Variants in ZNF100 observed in about 807,000 individuals in gnomAD.
The protein encoded by ZNF100 is zinc finger protein 100 (Y1).
Under a neutral mutation model 15.8 loss-of-function variants are expected in ZNF100, and 12 were observed. The observed-to-expected ratio is 0.76, with a 90% CI of 0.49 to 1.23. The LOEUF (loss-of-function observed/expected upper bound fraction) is 1.23, where lower values mean the gene tolerates loss of function less well. Ranked by LOEUF, ZNF100 falls within the 50% of genes most tolerant of loss-of-function variation. The pLI is 0.00. For missense variants in ZNF100, 670 were observed against 635.6 expected, an observed-to-expected ratio of 1.05 and a Z score of -0.58; for synonymous variants, 226 against 214.8, an observed-to-expected ratio of 1.05 and a Z score of -0.45.
chr19:21,767,569 G>C lies in ZNF100; in HGVS notation c.-140C>G, dbSNP rs954796741. ...AAACCTGGAGCTCCGGCTACAGCGA[G>C]AGACAAAGACCCCGCCAAACCCGGA... On this transcript the variant is annotated 5_prime_UTR_variant, in exon 1 of 5. Coordinates refer to ENST00000358296, the MANE Select transcript of ZNF100 (RefSeq NM_173531.4). 4 of 1,368,720 alleles carry C rather than the reference G, an allele frequency of 2.9e-6. No individual in the cohort carries two copies. The highest frequency in any genetic ancestry group is 1.5e-5 in the African/African-American group (1 of 68,588). 84.8% of individuals were successfully genotyped at this position (1,368,720 alleles called of 1,614,324 possible).
rs1471621094 is a variant in ZNF100 at position 21,727,630 on chromosome 19, T to C, written c.682A>G (p.Ile228Val). The C allele has an allele frequency of 5.6e-6, 9 of 1,611,880 alleles. No homozygotes were observed. The highest frequency in any genetic ancestry group is 4.0e-5 in the African/African-American group (3 of 74,862). ...TTACATTGGTAGGAATTCTCTGTAA[T>C]ATGAAATCTTTTATGTTGAGTTAGG... Reference protein sequence around the residue: ...LHLTQHKRFHITENSYQCKDC... With the variant: ...LHLTQHKRFHVTENSYQCKDC... Residue 228 changes from isoleucine to valine, a missense_variant, in exon 5 of 5, where the codon ATT becomes GTT. Ile to Val is a conservative substitution (Grantham distance 29, BLOSUM62 3). Coordinates refer to ENST00000358296, the MANE Select transcript of ZNF100 (RefSeq NM_173531.4).
In ZNF100 at chr19:21,726,942, T is replaced by C. The variant is rs754628199; in HGVS notation, c.1370A>G (p.Tyr457Cys). Residue 457 changes from tyrosine to cysteine, a missense_variant, in exon 5 of 5, where the codon TAC becomes TGC. Physicochemically the swap from Tyr to Cys is radical, Grantham distance 194. Coordinates refer to ENST00000358296, the MANE Select transcript of ZNF100 (RefSeq NM_173531.4). ...HKMIHTGEKP[Y>C]KCDECGKAFN... ...GGCTTTGCCACATTCGTCACATTTG[T>C]AGGGTTTCTCTCCAGTATGAATCAT... 9 of 1,611,266 alleles carry C rather than the reference T, an allele frequency of 5.6e-6. No homozygotes were observed. Among genetic ancestry groups the C allele is most frequent in the Non-Finnish European group, 7.6e-6 (9 of 1,179,026 alleles).
At chr19:21,738,687 A>C (rs1171514607) in intron 4 of ZNF100, among the ~76,000 whole-genome samples, 3 of 152,242 alleles carry the variant, frequency 2.0e-5, no homozygotes, top group Middle Eastern at 3.4e-3. Flanking sequence ...GGCCAGGCGC[A>C]GAGACTCACG....
At chr19:21,742,282 GCAAGACTC>G (rs1202991622) in intron 4 of ZNF100, among the ~76,000 whole-genome samples, 1 of 134,938 alleles carries the variant, frequency 7.4e-6, no homozygotes, top group Non-Finnish European at 1.5e-5. Flanking sequence ...CGGCGACAGA[GCAAGACTC>G]TGTCCCCCAC....
intron 2 of ZNF100, among the ~76,000 whole-genome samples, chr19:21,746,016 T>G (rs569410982): frequency 6.6e-6 from 1 of 152,212 alleles, no homozygotes; most frequent in African/African-American, 2.4e-5. Context: ...GCTGCCAGAT[T>G]AAATGTGATG....
intron 2 of ZNF100, among the ~76,000 whole-genome samples, chr19:21,761,467 G>T (rs1483871971): frequency 6.6e-6 from 1 of 152,106 alleles, no homozygotes; most frequent in East Asian, 1.9e-4. Flanking sequence ...AACCAATAAA[G>T]CTCCATGGGA....
At chr19:21,765,301 A>G (rs2036540748) in intron 2 of ZNF100, among the ~76,000 whole-genome samples, 1 of 152,158 alleles carries the variant, frequency 6.6e-6, no homozygotes, top group Non-Finnish European at 1.5e-5. Flanking sequence ...TCATGTTTCA[A>G]GTCAGGTCAT....
At chr19:21,748,781 C>T (rs1436492317) in intron 2 of ZNF100, among the ~76,000 whole-genome samples, 10 of 152,132 alleles carry the variant, frequency 6.6e-5, no homozygotes, top group African/African-American at 9.7e-5. Context: ...CTTGGCTCAA[C>T]GCAAACTCTA....
rs1031312730 is a variant in ZNF100 at position 21,725,753 on chromosome 19, C to A, written c.*930G>T. 3 of 152,096 alleles carry A rather than the reference C, an allele frequency of 2.0e-5. No homozygotes were observed. Among genetic ancestry groups the A allele is most frequent in the African/African-American group, 7.2e-5 (3 of 41,436 alleles). The allele number at this position is 152,096 out of a possible 1,614,324, so 9.4% of individuals were successfully genotyped here. On this transcript the variant is annotated 3_prime_UTR_variant, in exon 5 of 5. Transcript: ENST00000358296. ...AAATTTCTACTTTTAAAGTTATATA[C>A]AAATATTTTACCAATTTTAGTTTTA...
intron 4 of ZNF100, among the ~76,000 whole-genome samples, chr19:21,728,427 G>C (rs1355589612): frequency 6.6e-6 from 1 of 152,094 alleles, no homozygotes; most frequent in East Asian, 1.9e-4. Flanking sequence ...AGAAACGGTG[G>C]TATACTTTGG....
intron 2 of ZNF100, chr19:21,752,897 CAGT>C (rs2036333104): frequency 6.6e-6 from 1 of 152,062 alleles, no homozygotes; most frequent in Admixed American, 6.5e-5. Context: ...GGCTGTTCAC[CAGT>C]GCAGTCATGG....
chr19:21,730,076 CAATT>C (rs779053333), intron 4 of ZNF100, among the ~76,000 whole-genome samples: 53 of 151,720 alleles, frequency 3.5e-4, no homozygotes, highest in Admixed American at 2.2e-3. Flanking sequence ...TCAAATAAAA[CAATT>C]AATAAAATAA....
chr19:21,750,295 T>A (rs1202210543), intron 2 of ZNF100, among the ~76,000 whole-genome samples: 3 of 152,212 alleles, frequency 2.0e-5, no homozygotes, highest in African/African-American at 7.2e-5. Context: ...GTACCACTTC[T>A]AATATTATTT....
chr19:21,767,120 T>G (rs2036576849), intron 1 of ZNF100, among the ~76,000 whole-genome samples: 1 of 152,158 alleles, frequency 6.6e-6, no homozygotes, highest in African/African-American at 2.4e-5. Flanking sequence ...GAGTCAGGAT[T>G]TTCCCCTGAC....
rs747312272 is a variant in ZNF100 at position 21,727,137 on chromosome 19, T to C, written c.1175A>G (p.Lys392Arg). 3.1e-6 allele frequency: 5 copies of C among 1,611,856 alleles called. No individual in the cohort carries two copies. The highest frequency in any genetic ancestry group is 1.7e-5 in the Admixed American group (1 of 59,930). The change falls in exon 5 of 5, where the codon AAG becomes AGG. Residue 392 changes from lysine (K) to arginine (R), a missense_variant. Lys to Arg is a conservative substitution (Grantham distance 26, BLOSUM62 2). Coordinates refer to ENST00000358296, the MANE Select transcript of ZNF100 (RefSeq NM_173531.4). ...FYRFSYLTKH[K>R]TSHTGEKFYK... ...GAATTTCTCTCCAGTATGACTTGTC[T>C]TATGTTTAGTAAGGTATGAGAATCG...
At chr19:21,747,508 T>C (rs2036231557) in intron 2 of ZNF100, among the ~76,000 whole-genome samples, 1 of 152,140 alleles carries the variant, frequency 6.6e-6, no homozygotes, top group South Asian at 2.1e-4. Flanking sequence ...TTGGAAAGGG[T>C]TCATGAATGG....
At chr19:21,751,980 C>T in intron 2 of ZNF100, 2 of 385,696 alleles carry the variant, frequency 5.2e-6, no homozygotes, top group Non-Finnish European at 4.7e-6. Flanking sequence ...GGAGAAATAC[C>T]ACCTTTCCTG....
At chr19:21,732,435 GCAAA>G (rs1485767485) in intron 4 of ZNF100, among the ~76,000 whole-genome samples, 2 of 151,900 alleles carry the variant, frequency 1.3e-5, no homozygotes, top group Non-Finnish European at 2.9e-5. Flanking sequence ...ATTTGTAGAG[GCAAA>G]CAAACACAGA....
rs760086259 is a variant in ZNF100, at chr19:21,767,441, T to G, written c.-12A>C. 6.3e-5 allele frequency: 101 copies of G among 1,613,970 alleles called. No individual in the cohort carries two copies. The highest frequency in any genetic ancestry group is 8.5e-5 in the Non-Finnish European group (100 of 1,179,982). On this transcript the variant is annotated 5_prime_UTR_variant, in exon 1 of 5. Coordinates refer to ENST00000358296, the MANE Select transcript of ZNF100 (RefSeq NM_173531.4). ...GGCACTCTCACCATTTCTAGGCTTC[T>G]AGGGGGTCCTGGCGTCTTAGCTGTG...
Sources: gnomAD v4.1 joint callset for allele counts (sites outside exome capture counted in the v4.1 genomes callset) on GRCh38, gnomAD v4.1.1 for gene constraint, MANE v1.5 for transcripts, NCBI Gene and HGNC (gene_info 2026-07-23, HGNC 2026-07-21) for gene names.